The following GRK5 variants were observed in gnomAD, a reference collection of about 807,000 sequenced individuals.
GRK5 encodes the protein g protein-coupled receptor kinase GRK5.
In GRK5, 40 loss-of-function variants were observed where a neutral mutation model predicts 78.4. The observed-to-expected ratio is 0.51, with a 90% confidence interval of 0.40 to 0.66. The LOEUF (loss-of-function observed/expected upper bound fraction) is 0.66. Among genes scored for constraint, GRK5 ranks in the 30% least tolerant of loss-of-function variants. The pLI is 0.00. For missense variants in GRK5, 598 were observed against 759.9 expected (o/e 0.79, Z 2.50); for synonymous variants, 289 against 296.8 (o/e 0.97, Z 0.27).
chr10:119,376,651 A>T (rs1026712165), intron 2 of GRK5, among the ~76,000 whole-genome samples: 1 of 133,780 alleles, frequency 7.5e-6, no homozygotes, highest in African/African-American at 2.9e-5. Flanking sequence ...TGCAACCTCC[A>T]CCTCCCAGGT....
At chr10:119,257,789 G>C (rs1021292909) in intron 1 of GRK5, among the ~76,000 whole-genome samples, 1 of 152,162 alleles carries the variant, frequency 6.6e-6, no homozygotes, top group Non-Finnish European at 1.5e-5. Flanking sequence ...GTGAAAAGGC[G>C]CTGTGGATGG....
intron 1 of GRK5, among the ~76,000 whole-genome samples, chr10:119,251,688 G>A (rs543737289): frequency 6.6e-6 from 1 of 152,208 alleles, no homozygotes; most frequent in Non-Finnish European, 1.5e-5. Context: ...CCTAAAGCAG[G>A]GTTTGTCAAC....
At chr10:119,385,637 T>C (rs977509840) in intron 3 of GRK5, among the ~76,000 whole-genome samples, 3 of 152,034 alleles carry the variant, frequency 2.0e-5, no homozygotes, top group Non-Finnish European at 2.9e-5. Flanking sequence ...CTCTGATGGA[T>C]TGGGGATGAG....
intron 1 of GRK5, among the ~76,000 whole-genome samples, chr10:119,315,057 GA>G (rs1850461481): frequency 6.6e-6 from 1 of 152,200 alleles, no homozygotes; most frequent in Non-Finnish European, 1.5e-5. Context: ...GGATCTTCAA[GA>G]AAACTCTTGA....
intron 11 of GRK5, among the ~76,000 whole-genome samples, chr10:119,442,749 C>T (rs1853063156): frequency 6.6e-6 from 1 of 152,232 alleles, no homozygotes; most frequent in Admixed American, 6.5e-5. Context: ...AGCAGCTGCA[C>T]AGGAGGTGTG....
intron 1 of GRK5, among the ~76,000 whole-genome samples, chr10:119,220,065 G>C (rs1848635217): frequency 6.6e-6 from 1 of 152,200 alleles, no homozygotes; most frequent in African/African-American, 2.4e-5. Flanking sequence ...CAGGGAGGCT[G>C]GATCCAATTA....
intron 1 of GRK5, among the ~76,000 whole-genome samples, chr10:119,289,854 C>G (rs181616837): frequency 6.6e-6 from 1 of 152,306 alleles, no homozygotes; most frequent in African/African-American, 2.4e-5. Context: ...GGTCAAACAC[C>G]TATGTGTCAG....
chr10:119,300,674 A>G (rs144602027), intron 1 of GRK5, among the ~76,000 whole-genome samples: 1 of 152,342 alleles, frequency 6.6e-6, no homozygotes, highest in African/African-American at 2.4e-5. Context: ...TTCATTTCCA[A>G]GAGATCAGTA....
chr10:119,353,787 G>T (rs931450126), intron 2 of GRK5, among the ~76,000 whole-genome samples: 3 of 152,074 alleles, frequency 2.0e-5, no homozygotes, highest in African/African-American at 7.2e-5. Context: ...TGACATCACT[G>T]CTACTGGTTT....
At chr10:119,396,586 GT>G (rs1589786463) in intron 3 of GRK5, 108 bp from the exon 4 acceptor site, 2 of 845,342 alleles carry the variant, frequency 2.4e-6, no homozygotes. Flanking sequence ...GGAGAAGGGG[GT>G]TGGTCAGGTG....
intron 2 of GRK5, among the ~76,000 whole-genome samples, chr10:119,365,624 A>G (rs1271821261): frequency 6.6e-6 from 1 of 152,186 alleles, no homozygotes; most frequent in East Asian, 1.9e-4. Context: ...GCTAGGCAGG[A>G]GGCTAAGCAT....
intron 4 of GRK5, among the ~76,000 whole-genome samples, chr10:119,405,739 A>G (rs1852228221): frequency 6.6e-6 from 1 of 152,120 alleles, no homozygotes; most frequent in Admixed American, 6.5e-5. Flanking sequence ...CCAACTGAGT[A>G]TGGGGCTGAT....
At chr10:119,366,829 C>T (rs992090530) in intron 2 of GRK5, among the ~76,000 whole-genome samples, 1 of 152,202 alleles carries the variant, frequency 6.6e-6, no homozygotes, top group African/African-American at 2.4e-5. Context: ...CTGCTGCTGC[C>T]ATGGATCCCT....
At chr10:119,394,840 C>T (rs1852015921) in intron 3 of GRK5, among the ~76,000 whole-genome samples, 1 of 151,184 alleles carries the variant, frequency 6.6e-6, no homozygotes, top group Non-Finnish European at 1.5e-5. Context: ...TGTCTGTGGG[C>T]ACGTGTGTGT....
chr10:119,433,567 G>A (rs1852863314), intron 8 of GRK5, among the ~76,000 whole-genome samples: 1 of 152,228 alleles, frequency 6.6e-6, no homozygotes, highest in South Asian at 2.1e-4. Flanking sequence ...TGCAGCCATT[G>A]CAGCAGAAGC....
chr10:119,257,296 C>T (rs1440584331), intron 1 of GRK5, among the ~76,000 whole-genome samples: 2 of 152,226 alleles, frequency 1.3e-5, no homozygotes, highest in Non-Finnish European at 2.9e-5. Flanking sequence ...TCTGGAAACA[C>T]GGAAGCAGTG....
chr10:119,305,587 T>G (rs1460813941), intron 1 of GRK5, among the ~76,000 whole-genome samples: 1 of 152,056 alleles, frequency 6.6e-6, no homozygotes, highest in East Asian at 1.9e-4. Flanking sequence ...TGACTTGGAT[T>G]GATTGATTGG....
At chr10:119,239,175 C>T (rs771160062) in intron 1 of GRK5, among the ~76,000 whole-genome samples, 42 of 150,970 alleles carry the variant, frequency 2.8e-4, no homozygotes, top group African/African-American at 1.5e-4. Flanking sequence ...GCTGGGGCTT[C>T]GGGATAACAA....
At chr10:119,374,340 G>A (rs1851592168) in intron 2 of GRK5, among the ~76,000 whole-genome samples, 1 of 152,204 alleles carries the variant, frequency 6.6e-6, no homozygotes, top group South Asian at 2.1e-4. Flanking sequence ...ATCCACTGTG[G>A]TGTCCTTGGC....
Sources: allele counts gnomAD v4.1 joint callset (sites outside exome capture counted in the v4.1 genomes callset), GRCh38; gene constraint gnomAD v4.1.1; transcripts MANE v1.5; gene names NCBI Gene and HGNC (gene_info 2026-07-23, HGNC 2026-07-21).